Variants in IQGAP2 observed in about 807,000 individuals in gnomAD.
The protein encoded by IQGAP2 is ras GTPase-activating-like protein IQGAP2.
Under a neutral mutation model 201.3 loss-of-function variants are expected in IQGAP2, and 173 were observed. The ratio of observed to expected loss-of-function variants is 0.86; its 90% CI spans 0.76 to 0.98. The LOEUF (loss-of-function observed/expected upper bound fraction) is 0.98, where lower values mean the gene tolerates loss of function less well. Ranked by LOEUF, IQGAP2 falls within the 50% of genes least tolerant of loss-of-function variation. IQGAP2 has a pLI of 0.00. For missense variants in IQGAP2, 1,687 were observed against 1,864.8 expected (o/e 0.90, Z 1.76); for synonymous variants, 675 against 673.9 (o/e 1.00, Z -0.03).
At chr5:76,443,105 A>G (rs1283149279) in intron 1 of IQGAP2, among the ~76,000 whole-genome samples, 4 of 152,248 alleles carry the variant, frequency 2.6e-5, no homozygotes, top group African/African-American at 9.6e-5. Flanking sequence ...ACCATGTTGT[A>G]GTTGAAAATT....
At chr5:76,478,107 C>T (rs1755555260) in intron 2 of IQGAP2, among the ~76,000 whole-genome samples, 2 of 152,098 alleles carry the variant, frequency 1.3e-5, no homozygotes, top group Non-Finnish European at 2.9e-5. Flanking sequence ...TCTTGTCACC[C>T]AGGCTGGAGT....
At chr5:76,460,197 G>A (rs138123030) in intron 1 of IQGAP2, among the ~76,000 whole-genome samples, 531 of 152,274 alleles carry the variant, frequency 3.5e-3, no homozygotes, top group African/African-American at 0.012. Flanking sequence ...AAGTGCCAAG[G>A]AGAGCCAATG....
chr5:76,689,906 T>A (rs1412833330), intron 30 of IQGAP2, among the ~76,000 whole-genome samples: 1 of 152,168 alleles, frequency 6.6e-6, no homozygotes, highest in African/African-American at 2.4e-5. Context: ...ACCATATGAA[T>A]GGAGTGGCCA....
chr5:76,520,700 C>CT (rs5868829), intron 2 of IQGAP2, among the ~76,000 whole-genome samples: 26,888 of 109,158 alleles, frequency 0.25, 4,583 homozygotes, highest in African/African-American at 0.38. Flanking sequence ...GGTCTCTCCT[C>CT]TTTTTTTTTT....
intron 13 of IQGAP2, among the ~76,000 whole-genome samples, chr5:76,625,761 C>A (rs1017103932): frequency 6.6e-6 from 1 of 152,202 alleles, no homozygotes; most frequent in Non-Finnish European, 1.5e-5. Flanking sequence ...CTCCTTCCTG[C>A]CCCCATCCAT....
At chr5:76,476,258 A>G (rs1301240899) in intron 2 of IQGAP2, among the ~76,000 whole-genome samples, 1 of 152,170 alleles carries the variant, frequency 6.6e-6, no homozygotes, top group East Asian at 1.9e-4. Flanking sequence ...AATTGTGGCA[A>G]GAAAGGAAAA....
chr5:76,617,667 C>T (rs748572943), intron 13 of IQGAP2: 1 of 1,613,996 alleles, frequency 6.2e-7, no homozygotes, highest in Non-Finnish European at 8.5e-7. Flanking sequence ...ATTAAGACTA[C>T]CCAGGCACAA....
chr5:76,671,709 ATC>A, intron 23 of IQGAP2, 48 bp from the exon 24 acceptor site: 3 of 1,163,754 alleles, frequency 2.6e-6, no homozygotes, highest in Non-Finnish European at 2.5e-6. Flanking sequence ...AAAAAAAAAA[ATC>A]TGTATCCATG....
rs1561518620 is a variant in IQGAP2 at position 76,619,514 on chromosome 5, C to CCTTTTTTTTTTTTTTTTT, written c.1522-7896_1522-7895insCTTTTTTTTTTTTTTTTT. ...CAGATCTAACTTAGTTAAGGATCTT[C>CCTTTTTTTTTTTTTTTTT]TTTTTTTTTTTTTTTTTTTTTTGAG... On this transcript the variant is annotated intron_variant, in intron 13 of 35. Coordinates refer to ENST00000274364, the MANE Select transcript of IQGAP2 (RefSeq NM_006633.5). 7.7e-5 allele frequency among the ~76,000 whole-genome samples: 8 copies of CCTTTTTTTTTTTTTTTTT among 104,266 alleles called. 1 individual carries two copies. Among genetic ancestry groups the CCTTTTTTTTTTTTTTTTT allele is most frequent in the Non-Finnish European group, 1.1e-4 (6 of 52,746 alleles). The allele number at this position is 104,266 out of a possible 152,430, so 68.4% of individuals were successfully genotyped here. A position where few individuals can be genotyped will look rare whatever the true frequency, so the allele number is the denominator to read the frequency against.
chr5:76,615,907 G>A (rs762699223), intron 13 of IQGAP2: 14 of 151,596 alleles, frequency 9.2e-5, no homozygotes, highest in Non-Finnish European at 1.9e-4. Flanking sequence ...CTGAAATGAT[G>A]TCATCCCGTA....
intron 1 of IQGAP2, among the ~76,000 whole-genome samples, chr5:76,424,306 T>A (rs1751882820): frequency 6.6e-6 from 1 of 152,120 alleles, no homozygotes. Flanking sequence ...TCTTTTTTAT[T>A]TTTATTTTAT....
chr5:76,592,239 CCT>C (rs1169695438), intron 8 of IQGAP2, among the ~76,000 whole-genome samples: 1 of 152,172 alleles, frequency 6.6e-6, no homozygotes, highest in Non-Finnish European at 1.5e-5. Flanking sequence ...CTTAGCTTAG[CCT>C]TCAGCTGACC....
intron 12 of IQGAP2, among the ~76,000 whole-genome samples, chr5:76,610,074 CTCTATATATATATA>C (rs1234375362): frequency 9.1e-4 from 4 of 4,400 alleles, no homozygotes; most frequent in East Asian, 4.4e-3. Flanking sequence ...CTCTCTCTCT[CTCTATATATATATA>C]TATATATATA....
intron 28 of IQGAP2, among the ~76,000 whole-genome samples, chr5:76,679,264 T>G (rs1745083795): frequency 6.6e-6 from 1 of 152,204 alleles, no homozygotes; most frequent in Non-Finnish European, 1.5e-5. Context: ...AATTTAGAAG[T>G]CTTAGAAGTC....
chr5:76,667,307 A>C (rs1042894076), intron 22 of IQGAP2, among the ~76,000 whole-genome samples: 3 of 152,228 alleles, frequency 2.0e-5, no homozygotes, highest in Admixed American at 2.0e-4. Context: ...TTATGAACTT[A>C]AAAGTAAACC....
intron 1 of IQGAP2, chr5:76,404,337 G>T (rs1460963092): frequency 2.7e-5 from 10 of 371,978 alleles, no homozygotes; most frequent in African/African-American, 2.2e-5. Flanking sequence ...GGCCGATCGT[G>T]AGTGGATGGA....
chr5:76,463,993 G>A (rs571695893), intron 2 of IQGAP2, among the ~76,000 whole-genome samples: 1 of 151,632 alleles, frequency 6.6e-6, no homozygotes, highest in Admixed American at 6.6e-5. Context: ...GATTACAGGC[G>A]CTCACCACTA....
intron 17 of IQGAP2, among the ~76,000 whole-genome samples, chr5:76,648,513 A>G (rs2150419217): frequency 6.6e-6 from 1 of 152,376 alleles, no homozygotes; most frequent in Middle Eastern, 3.4e-3. Context: ...TCAAGAACCA[A>G]GAAAATCACA....
At chr5:76,625,794 C>T (rs974468597) in intron 13 of IQGAP2, among the ~76,000 whole-genome samples, 3 of 152,318 alleles carry the variant, frequency 2.0e-5, no homozygotes, top group African/African-American at 4.8e-5. Context: ...ATGACGGAGT[C>T]GGTGCCAGAT....
Sources: gnomAD v4.1 joint callset for allele counts (sites outside exome capture counted in the v4.1 genomes callset) on GRCh38, gnomAD v4.1.1 for gene constraint, MANE v1.5 for transcripts, NCBI Gene and HGNC (gene_info 2026-07-23, HGNC 2026-07-21) for gene names.